Variants in KCNN2 observed in about 807,000 individuals in gnomAD.
KCNN2 encodes the protein potassium calcium-activated channel subfamily N member 2.
KCNN2 carries 24 observed loss-of-function variants against 55.5 expected under a neutral mutation model. The observed-to-expected ratio is 0.43, with a 90% CI of 0.31 to 0.61. The LOEUF is 0.61. Ranked by LOEUF, KCNN2 falls within the 20% of genes least tolerant of loss-of-function variation. The probability of loss-of-function intolerance (pLI) is 0.08; values close to 1 mark genes in which losing one functional copy is unlikely to be tolerated. For synonymous variants in KCNN2, 431 were observed against 336.1 expected (o/e 1.28, Z -3.09); for missense variants, 754 against 853.6 (o/e 0.88, Z 1.45).
chr5:114,291,806 A>G (rs1755895400), intron 2 of KCNN2, among the ~76,000 whole-genome samples: 1 of 152,208 alleles, frequency 6.6e-6, no homozygotes, highest in African/African-American at 2.4e-5. Flanking sequence ...GTGTCCCACC[A>G]ACAGTGTAAA....
Position 114,404,629 on chromosome 5 carries a change from A to C in KCNN2, c.1410A>C (p.Leu470Phe), listed in dbSNP as rs1212077480. Residue 470 changes from leucine to phenylalanine, a missense_variant, in exon 3 of 8, where the codon TTA becomes TTC. Leu to Phe is a conservative substitution (Grantham distance 22, BLOSUM62 0). Around this residue, in one of 4 missense-constraint regions of KCNN2, gnomAD observed 123 missense variants for 204.9 expected, o/e 0.60. Coordinates refer to ENST00000673685, the MANE Select transcript of KCNN2 (RefSeq NM_021614.4). ...CCACCGCTGATGTGGATATTATTTT[A>C]TCTATACCAATGTTCTTAAGACTCT... ...STTTADVDII[L>F]SIPMFLRLYL... 6.2e-7 allele frequency: 1 copy of C among 1,613,908 alleles called. No individual in the cohort carries two copies. Among genetic ancestry groups the C allele is most frequent in the Non-Finnish European group, 8.5e-7 (1 of 1,179,910 alleles).
chr5:114,342,482 G>A (rs1757034332), intron 2 of KCNN2, among the ~76,000 whole-genome samples: 1 of 152,140 alleles, frequency 6.6e-6, no homozygotes, highest in Non-Finnish European at 1.5e-5. Context: ...TTTGTGGAAT[G>A]TACAGGAAAG....
chr5:114,104,905 A>G (rs1751450002), intron 1 of KCNN2, among the ~76,000 whole-genome samples: 1 of 152,034 alleles, frequency 6.6e-6, no homozygotes, highest in Admixed American at 6.6e-5. Flanking sequence ...GATTGTGCTC[A>G]GGGAGTAGAA....
chr5:114,218,261 T>G (rs1329776679), intron 1 of KCNN2, among the ~76,000 whole-genome samples: 1 of 152,204 alleles, frequency 6.6e-6, no homozygotes, highest in African/African-American at 2.4e-5. Context: ...AGAAAAGTTC[T>G]GTTCACACAA....
chr5:114,369,717 C>T (rs1260464536), intron 2 of KCNN2, among the ~76,000 whole-genome samples: 4 of 152,094 alleles, frequency 2.6e-5, no homozygotes, highest in Admixed American at 6.5e-5. Flanking sequence ...TAATTTTCTC[C>T]GCCTGCTTGT....
chr5:114,363,059 G>A lies in KCNN2; in HGVS notation c.920G>A (p.Gly307Asp), dbSNP rs749218598. 9.9e-6 allele frequency: 16 copies of A among 1,608,468 alleles called. No homozygotes were observed. The highest frequency in any genetic ancestry group is 1.4e-5 in the Non-Finnish European group (16 of 1,179,072). Residue 307 changes from glycine (G) to aspartate (D), a missense_variant, in exon 1 of 8, where the codon GGC becomes GAC. Transcript: ENST00000673685. ...GGAGGCAGCACTGGAGGAGGCGGCGGCGGTGGCGGGAGCGGGCACGGCAGC... is the reference window on the plus strand; with the variant it reads ...GGAGGCAGCACTGGAGGAGGCGGCGACGGTGGCGGGAGCGGGCACGGCAGC... ...GGGGSTGGGG[G>D]GGGSGHGSSS... is the part of the protein sequence containing the mutation.
At chr5:114,114,828 G>C (rs766747345) in intron 1 of KCNN2, among the ~76,000 whole-genome samples, 11 of 152,090 alleles carry the variant, frequency 7.2e-5, no homozygotes, top group Non-Finnish European at 1.5e-4. Flanking sequence ...AATCAAAATG[G>C]ATCATTGCAC....
intron 2 of KCNN2, among the ~76,000 whole-genome samples, chr5:114,315,645 C>A (rs992327052): frequency 2.0e-5 from 3 of 152,148 alleles, no homozygotes; most frequent in Middle Eastern, 3.4e-3. Context: ...ACAGAAAATT[C>A]AGAGAACTAT....
At chr5:114,073,524 A>G (rs963108348) in intron 1 of KCNN2, among the ~76,000 whole-genome samples, 2 of 152,338 alleles carry the variant, frequency 1.3e-5, no homozygotes, top group South Asian at 4.1e-4. Context: ...AAAGAGTCAT[A>G]TCATTTACAG....
intron 2 of KCNN2, among the ~76,000 whole-genome samples, chr5:114,301,687 G>A (rs996325337): frequency 2.0e-5 from 3 of 152,156 alleles, no homozygotes; most frequent in Non-Finnish European, 4.4e-5. Context: ...CTGCCAGACA[G>A]GAGTCTGAGT....
chr5:114,412,879 T>C, intron 3 of KCNN2, among the ~76,000 whole-genome samples: 1 of 152,230 alleles, frequency 6.6e-6, no homozygotes, highest in East Asian at 1.9e-4. Context: ...GAATACTGGA[T>C]AGTTATTGGA....
chr5:114,262,942 G>A (rs79905187), intron 2 of KCNN2, among the ~76,000 whole-genome samples: 3 of 152,048 alleles, frequency 2.0e-5, no homozygotes, highest in Admixed American at 6.5e-5. Flanking sequence ...TATATCATTC[G>A]CCAATTGTGA....
intron 1 of KCNN2, among the ~76,000 whole-genome samples, chr5:114,102,894 T>C (rs142152262): frequency 0.02 from 3,078 of 152,280 alleles, 110 homozygotes; most frequent in African/African-American, 0.071. Context: ...TTGTTCTTTT[T>C]GCTTATGATT....
At chr5:114,404,109 C>T (rs995513295) in intron 2 of KCNN2, among the ~76,000 whole-genome samples, 7 of 152,148 alleles carry the variant, frequency 4.6e-5, no homozygotes, top group Non-Finnish European at 7.3e-5. Flanking sequence ...TGTTATAAGG[C>T]GAGTCCATTT....
chr5:114,199,121 A>G (rs1753617909), intron 1 of KCNN2, among the ~76,000 whole-genome samples: 2 of 151,980 alleles, frequency 1.3e-5, no homozygotes, highest in Non-Finnish European at 2.9e-5. Context: ...TTGGGTGCAT[A>G]TATATATAGG....
At chr5:114,396,755 C>T (rs1758632778) in intron 2 of KCNN2, among the ~76,000 whole-genome samples, 1 of 152,036 alleles carries the variant, frequency 6.6e-6, no homozygotes, top group South Asian at 2.1e-4. Context: ...TCATGTTGGC[C>T]AGGATGGTCT....
chr5:114,120,949 C>A (rs1751820260), intron 1 of KCNN2, among the ~76,000 whole-genome samples: 1 of 152,180 alleles, frequency 6.6e-6, no homozygotes, highest in African/African-American at 2.4e-5. Context: ...TTCCCTTAGA[C>A]CTGGGCAAAT....
At chr5:114,078,723 T>C (rs1343697089) in intron 1 of KCNN2, among the ~76,000 whole-genome samples, 27 of 152,212 alleles carry the variant, frequency 1.8e-4, no homozygotes. Flanking sequence ...CTGGTTTTGT[T>C]TCTGTTATGG....
At chr5:114,179,410 GA>G (rs1342536178) in intron 1 of KCNN2, among the ~76,000 whole-genome samples, 1 of 152,170 alleles carries the variant, frequency 6.6e-6, no homozygotes, top group Admixed American at 6.5e-5. Context: ...ATAAGAGAAA[GA>G]AAGGAGAGAA....
Sources: gnomAD v4.1 joint callset for allele counts (sites outside exome capture counted in the v4.1 genomes callset) on GRCh38, gnomAD v4.1.1 for gene constraint, gnomAD v4.1.1 regional missense constraint, MANE v1.5 for transcripts, NCBI Gene and HGNC (gene_info 2026-07-23, HGNC 2026-07-21) for gene names.